The following ITGA9 variants were observed in gnomAD, a reference collection of about 807,000 sequenced individuals.
ITGA9 encodes integrin alpha-9.
A neutral mutation model predicts 127.8 loss-of-function variants in ITGA9; 56 were observed. The ratio of observed to expected loss-of-function variants is 0.44; its 90% CI spans 0.35 to 0.55. ITGA9 has a LOEUF of 0.55. Ranked by LOEUF, ITGA9 falls within the 20% of genes least tolerant of loss-of-function variation. The pLI, the probability that ITGA9 is intolerant of heterozygous loss-of-function variation, is 0.00. For missense variants in ITGA9, 1,196 were observed against 1,347.1 expected, an observed-to-expected ratio of 0.89 and a Z score of 1.76; for synonymous variants, 508 against 514.5, an observed-to-expected ratio of 0.99 and a Z score of 0.17.
At chr3:37,492,603 G>T (rs1381405533) in intron 4 of ITGA9, among the ~76,000 whole-genome samples, 1 of 152,218 alleles carries the variant, frequency 6.6e-6, no homozygotes, top group Non-Finnish European at 1.5e-5. Context: ...GTCATAAAGA[G>T]ACCTTGAGAC....
At chr3:37,818,191 T>TAAAAAAAAAAAAAAAAAAAAAAAAA (rs748381488) in intron 27 of ITGA9, 1 of 31,970 alleles carries the variant, frequency 3.1e-5, no homozygotes, top group East Asian at 1.8e-3. Context: ...TAAGACTCTC[T>TAAAAAAAAAAAAAAAAAAAAAAAAA]AAAAAAAAAA....
Position 37,730,041 on chromosome 3 carries a change from T to A in ITGA9, c.2068-2671T>A, listed in dbSNP as rs547071861. On this transcript the variant is annotated intron_variant, in intron 18 of 27. Transcript: ENST00000264741. ...TCAAGAACAGACCTTTGACTTAAAATTAAAGCTTCTCTCCTGGTTTGAAAG... is the reference window on the plus strand; with the variant it reads ...TCAAGAACAGACCTTTGACTTAAAAATAAAGCTTCTCTCCTGGTTTGAAAG... Among the ~76,000 whole-genome samples the A allele has an allele frequency of 2.2e-4, 34 of 152,288 alleles. No homozygotes were observed. In the East Asian group the frequency reaches 2.3e-3, roughly 10 times the overall value.
chr3:37,822,459 A>C lies in ITGA9; in HGVS notation c.*3470A>C, dbSNP rs1225361743. ...GACACTAGCAGGAGGGGCAGGGTCC[A>C]CTGGCTTAGTGGCAACTGACAGGCA... On this transcript the variant is annotated 3_prime_UTR_variant, in exon 28 of 28. Transcript: ENST00000264741. 6.6e-6 allele frequency: 1 copy of C among 150,702 alleles called. No homozygotes were observed. Among genetic ancestry groups the C allele is most frequent in the Non-Finnish European group, 1.5e-5 (1 of 67,156 alleles). The allele number at this position is 150,702 out of a possible 1,614,324, so 9.3% of individuals were successfully genotyped here. A position where few individuals can be genotyped will look rare whatever the true frequency, so the allele number is the denominator to read the frequency against.
intron 15 of ITGA9, among the ~76,000 whole-genome samples, chr3:37,590,842 C>T (rs1198579591): frequency 6.6e-6 from 1 of 152,170 alleles, no homozygotes; most frequent in African/African-American, 2.4e-5. Context: ...AGCCGATATG[C>T]CTACTGTCCC....
At chr3:37,682,322 G>T (rs1012487878) in intron 17 of ITGA9, among the ~76,000 whole-genome samples, 5 of 152,198 alleles carry the variant, frequency 3.3e-5, no homozygotes, top group African/African-American at 1.2e-4. Flanking sequence ...CCTCCAGAAG[G>T]CTGATTCCAA....
intron 16 of ITGA9, among the ~76,000 whole-genome samples, chr3:37,631,906 G>C (rs1700233181): frequency 6.6e-6 from 1 of 152,216 alleles, no homozygotes; most frequent in African/African-American, 2.4e-5. Context: ...TAAATAAACT[G>C]TTTAAGATAG....
chr3:37,592,134 T>G (rs148985351), intron 15 of ITGA9, among the ~76,000 whole-genome samples: 107 of 152,258 alleles, frequency 7.0e-4, no homozygotes, highest in African/African-American at 2.5e-3. Flanking sequence ...GACTGAGACA[T>G]CTCCCTTTAC....
chr3:37,646,874 T>C (rs1700383061), intron 16 of ITGA9, among the ~76,000 whole-genome samples: 1 of 152,068 alleles, frequency 6.6e-6, no homozygotes, highest in African/African-American at 2.4e-5. Context: ...ATTGGCTTCA[T>C]GGAGAACCTG....
chr3:37,801,628 C>G (rs1384726218), intron 26 of ITGA9, among the ~76,000 whole-genome samples: 1 of 152,070 alleles, frequency 6.6e-6, no homozygotes. Context: ...GAGAGAAACT[C>G]TGTCTCAAAA....
At chr3:37,476,204 C>G (rs1040419225) in intron 3 of ITGA9, among the ~76,000 whole-genome samples, 1 of 152,152 alleles carries the variant, frequency 6.6e-6, no homozygotes, top group Non-Finnish European at 1.5e-5. Context: ...GGTATACACC[C>G]GGAAGTGGGA....
At chr3:37,735,322 A>C (rs951287340) in intron 19 of ITGA9, among the ~76,000 whole-genome samples, 1 of 151,822 alleles carries the variant, frequency 6.6e-6, no homozygotes, top group Non-Finnish European at 1.5e-5. Context: ...CCCTGTCTCC[A>C]TGCCTGCCCC....
intron 17 of ITGA9, among the ~76,000 whole-genome samples, chr3:37,675,377 G>A (rs1173255902): frequency 1.3e-5 from 2 of 152,192 alleles, no homozygotes; most frequent in Non-Finnish European, 2.9e-5. Flanking sequence ...CTGGTTGCCT[G>A]TCCTTCTGTG....
At chr3:37,701,151 C>T (rs1700941618) in intron 18 of ITGA9, among the ~76,000 whole-genome samples, 1 of 152,218 alleles carries the variant, frequency 6.6e-6, no homozygotes, top group African/African-American at 2.4e-5. Flanking sequence ...CCAGAGCAGT[C>T]CTTTGTCCAC....
In ITGA9 at chr3:37,777,472, C is replaced by G; in HGVS notation, c.2622C>G (p.Phe874Leu). The G allele has an allele frequency of 6.2e-7, 1 of 1,614,052 alleles. No homozygotes were observed. Among genetic ancestry groups the G allele is most frequent in the Non-Finnish European group, 8.5e-7 (1 of 1,179,914 alleles). ...CIIPQEQENI[F>L]HTIFAFFTKS... Reference sequence around the variant, plus strand: ...TCCCTCAAGAACAAGAAAATATCTTCCACACAATATTTGCTTTTTTCACAA... The same window carrying G: ...TCCCTCAAGAACAAGAAAATATCTTGCACACAATATTTGCTTTTTTCACAA... Residue 874 changes from phenylalanine to leucine, a missense_variant, in exon 24 of 28, where the codon TTC becomes TTG. Coordinates refer to ENST00000264741, the MANE Select transcript of ITGA9 (RefSeq NM_002207.3).
intron 15 of ITGA9, among the ~76,000 whole-genome samples, chr3:37,628,141 C>T (rs1018511272): frequency 1.3e-5 from 2 of 152,176 alleles, no homozygotes; most frequent in Admixed American, 6.5e-5. Context: ...CGCCCAGCTT[C>T]TCTTCTCATT....
At chr3:37,793,180 G>A (rs866886308) in intron 26 of ITGA9, among the ~76,000 whole-genome samples, 2 of 151,792 alleles carry the variant, frequency 1.3e-5, no homozygotes, top group African/African-American at 2.4e-5. Flanking sequence ...AGTTGACTCA[G>A]GGGTGAGGTT....
rs116035899 is a variant in ITGA9, at chr3:37,645,232, A to G, written c.1840-8482A>G. ...TGTCATCCAGACAGGATGCTTCACCATAGGGGCAGAGACCTTCTGCTAAGT... is the reference window on the plus strand; with the variant it reads ...TGTCATCCAGACAGGATGCTTCACCGTAGGGGCAGAGACCTTCTGCTAAGT... On this transcript the variant is annotated intron_variant, in intron 16 of 27. Transcript: ENST00000264741. Among the ~76,000 whole-genome samples, 1,520 of 152,266 alleles carry G rather than the reference A, an allele frequency of 1.0e-2. 34 individuals carry two copies. The highest frequency in any genetic ancestry group is 0.035 in the African/African-American group (1,458 of 41,550).
At chr3:37,574,968 G>T (rs1416427992) in intron 15 of ITGA9, among the ~76,000 whole-genome samples, 1 of 152,170 alleles carries the variant, frequency 6.6e-6, no homozygotes, top group Non-Finnish European at 1.5e-5. Flanking sequence ...TTTTTCATCT[G>T]TGTACAGAGT....
chr3:37,681,181 A>G (rs1288346638), intron 17 of ITGA9, among the ~76,000 whole-genome samples: 1 of 152,228 alleles, frequency 6.6e-6, no homozygotes, highest in African/African-American at 2.4e-5. Context: ...GGTTGCAAAC[A>G]AGAAAAACGT....
Sources: allele counts gnomAD v4.1 joint callset (sites outside exome capture counted in the v4.1 genomes callset), GRCh38; gene constraint gnomAD v4.1.1; transcripts MANE v1.5; gene names NCBI Gene and HGNC (gene_info 2026-07-23, HGNC 2026-07-21).